The following RALGAPA1 variants were observed in gnomAD, a reference collection of about 807,000 sequenced individuals.
RALGAPA1 encodes the protein ral GTPase-activating protein subunit alpha-1.
Under a neutral mutation model 269.6 loss-of-function variants are expected in RALGAPA1, and 52 were observed. The observed-to-expected ratio is 0.19, with a 90% confidence interval of 0.15 to 0.24. RALGAPA1 has a LOEUF of 0.24. Among genes scored for constraint, RALGAPA1 ranks in the 10% least tolerant of loss-of-function variants. RALGAPA1 has a pLI of 1.00. For synonymous variants in RALGAPA1, 817 were observed against 1,008.3 expected, an observed-to-expected ratio of 0.81 and a Z score of 3.60; for missense variants, 1,917 against 3,013.9, an observed-to-expected ratio of 0.64 and a Z score of 8.52.
intron 37 of RALGAPA1, among the ~76,000 whole-genome samples, chr14:35,590,899 A>G (rs1470100129): frequency 6.6e-6 from 1 of 152,244 alleles, no homozygotes; most frequent in Non-Finnish European, 1.5e-5. Context: ...TACATTTAGT[A>G]ATAGTTTTGG....
At chr14:35,577,988 T>A (rs2057690942) in intron 37 of RALGAPA1, among the ~76,000 whole-genome samples, 1 of 152,196 alleles carries the variant, frequency 6.6e-6, no homozygotes, top group Admixed American at 6.5e-5. Context: ...ATGCTACTCA[T>A]CCTACATACC....
rs1243264246 is a variant in RALGAPA1, at chr14:35,794,680, TCTC to T, written c.106+14047_106+14049del. ...CACCGTGTTAGCCAGGATGGTCTCA[TCTC>T]CTGACCTCGTGATCCGCCCACCTCG... is the stretch of plus-strand genomic sequence containing the variant. On this transcript the variant is annotated intron_variant, in intron 1 of 41. Coordinates refer to ENST00000680220, the MANE Select transcript of RALGAPA1 (RefSeq NM_001346249.2). Among the ~76,000 whole-genome samples the T allele has an allele frequency of 1.1e-4, 16 of 152,164 alleles. 1 individual carries two copies. The highest frequency in any genetic ancestry group is 1.0e-3 in the Admixed American group (16 of 15,268).
At chr14:35,724,022 G>T (rs1193063303) in intron 14 of RALGAPA1, 2 of 151,984 alleles carry the variant, frequency 1.3e-5, no homozygotes, top group African/African-American at 4.8e-5. Flanking sequence ...ACAGAGTTTA[G>T]GTACAGAACT....
intron 36 of RALGAPA1, among the ~76,000 whole-genome samples, chr14:35,601,256 T>C (rs1480793194): frequency 6.6e-6 from 1 of 152,168 alleles, no homozygotes; most frequent in East Asian, 1.9e-4. Flanking sequence ...GCGATGGAAT[T>C]CTACATTTCC....
intron 22 of RALGAPA1, chr14:35,677,382 A>G (rs565947764): frequency 6.5e-6 from 1 of 154,318 alleles, no homozygotes; most frequent in South Asian, 2.0e-4. Context: ...TGTTTGTTAC[A>G]TTATACAAAA....
intron 39 of RALGAPA1, 46 bp from the exon 40 acceptor site, chr14:35,549,280 G>GA (rs770144413): frequency 1.7e-5 from 27 of 1,557,212 alleles, no homozygotes; most frequent in African/African-American, 8.3e-5. Context: ...GCTTATACTG[G>GA]AAAAAAAATC....
chr14:35,577,757 G>A (rs536102593), intron 37 of RALGAPA1, among the ~76,000 whole-genome samples: 1 of 152,212 alleles, frequency 6.6e-6, no homozygotes, highest in Admixed American at 6.5e-5. Flanking sequence ...ACTGTATTAT[G>A]TCTCTCACTA....
intron 33 of RALGAPA1, among the ~76,000 whole-genome samples, chr14:35,631,939 G>C (rs756806375): frequency 6.8e-6 from 1 of 146,808 alleles, no homozygotes. Flanking sequence ...AGGTACCAGA[G>C]TATCCCATAT....
At chr14:35,638,366 CTTG>C (rs780462907) in intron 31 of RALGAPA1, among the ~76,000 whole-genome samples, 1 of 152,034 alleles carries the variant, frequency 6.6e-6, no homozygotes, top group Non-Finnish European at 1.5e-5. Context: ...TTTCTTTTTG[CTTG>C]TTGTTTATGC....
At chr14:35,680,070 T>C (rs1194395892) in intron 21 of RALGAPA1, among the ~76,000 whole-genome samples, 1 of 152,186 alleles carries the variant, frequency 6.6e-6, no homozygotes, top group Non-Finnish European at 1.5e-5. Flanking sequence ...AACCTTAATG[T>C]TTACCAAAAA....
At chr14:35,568,157 T>C (rs985393968) in intron 39 of RALGAPA1, among the ~76,000 whole-genome samples, 1 of 152,166 alleles carries the variant, frequency 6.6e-6, no homozygotes, top group African/African-American at 2.4e-5. Context: ...AAAGCTTTTA[T>C]GGAAGTACAG....
chr14:35,576,634 A>G (rs1594661334), intron 37 of RALGAPA1, among the ~76,000 whole-genome samples: 1 of 152,196 alleles, frequency 6.6e-6, no homozygotes, highest in African/African-American at 2.4e-5. Context: ...TATTAAAGGT[A>G]TTTATTAAGT....
rs1391781914 is a variant in RALGAPA1 at position 35,748,715 on chromosome 14, G to A, written c.1121C>T (p.Thr374Met). ...EQSHSNTSTLTEREPSSSSLC... is the reference protein window; with the variant it reads ...EQSHSNTSTLMEREPSSSSLC... ...ACTAGATGAGCTAGGTTCTCGCTCC[G>A]TGAGAGTGCTTGTATTGGAATGAGA... The change falls in exon 10 of 42, where the codon ACG becomes ATG. Residue 374 changes from threonine to methionine, a missense_variant. Thr to Met is a moderately conservative substitution (Grantham distance 81). This residue lies in a region of RALGAPA1 where 462 missense variants were observed against 725.6 expected (regional missense o/e 0.64). Transcript: ENST00000680220. 2.5e-6 allele frequency: 4 copies of A among 1,613,184 alleles called. No individual in the cohort carries two copies. The highest frequency in any genetic ancestry group is 3.4e-6 in the Non-Finnish European group (4 of 1,179,760).
At chr14:35,554,568 G>A (rs1473923372) in intron 39 of RALGAPA1, among the ~76,000 whole-genome samples, 1 of 151,236 alleles carries the variant, frequency 6.6e-6, no homozygotes, top group Non-Finnish European at 1.5e-5. Context: ...GGATGGTCTC[G>A]ATCTCCTGAC....
intron 4 of RALGAPA1, among the ~76,000 whole-genome samples, chr14:35,763,677 G>A (rs2073909024): frequency 6.6e-6 from 1 of 151,580 alleles, no homozygotes; most frequent in Non-Finnish European, 1.5e-5. Context: ...TTTATATTAA[G>A]ACATTTGGTT....
intron 2 of RALGAPA1, 80 bp from the exon 3 acceptor site, chr14:35,775,135 G>GT (rs142116340): frequency 0.015 from 10,408 of 709,568 alleles, 7 homozygotes; most frequent in South Asian, 0.019. Context: ...AAGAATGAAG[G>GT]TTTTTTTTTT....
intron 36 of RALGAPA1, among the ~76,000 whole-genome samples, chr14:35,596,128 A>T (rs897836106): frequency 6.6e-6 from 1 of 152,076 alleles, no homozygotes; most frequent in East Asian, 1.9e-4. Flanking sequence ...TAGTTTGGGG[A>T]AAAGTTAAAA....
chr14:35,572,443 C>T, intron 38 of RALGAPA1, 117 bp downstream of exon 38: 1 of 720,572 alleles, frequency 1.4e-6, no homozygotes, highest in East Asian at 2.7e-5. Context: ...GTAACATTTA[C>T]CCTCAGTTTC....
At position 35,565,499 on chromosome 14, in the gene RALGAPA1, T is replaced by G. The variant is rs550147032; in HGVS notation, c.7496+5118A>C. Among the ~76,000 whole-genome samples, 3 of 152,180 alleles carry G rather than the reference T, an allele frequency of 2.0e-5. No homozygotes were observed. In the East Asian group the frequency reaches 5.8e-4, roughly 29 times the overall value. On this transcript the variant is annotated intron_variant, in intron 39 of 41. Transcript: ENST00000680220. Reference sequence around the variant, plus strand: ...GCCTCATCCAATCAGTTAAATACTTTAAGAGAAAACACTGAGGTCCCCTGA... The same window carrying G: ...GCCTCATCCAATCAGTTAAATACTTGAAGAGAAAACACTGAGGTCCCCTGA...
Sources: gnomAD v4.1 joint callset for allele counts (sites outside exome capture counted in the v4.1 genomes callset) on GRCh38, gnomAD v4.1.1 for gene constraint, gnomAD v4.1.1 regional missense constraint, MANE v1.5 for transcripts, NCBI Gene and HGNC (gene_info 2026-07-23, HGNC 2026-07-21) for gene names.